RYR1: variants seen among roughly 807,000 people sequenced by gnomAD.
RYR1 encodes central core disease of muscle.
A neutral mutation model predicts 583.5 loss-of-function variants in RYR1; 342 were observed. The observed-to-expected ratio is 0.59, with a 90% CI of 0.54 to 0.64. The LOEUF is 0.64. Among genes scored for constraint, RYR1 ranks in the 30% least tolerant of loss-of-function variants. The pLI is 0.00. For synonymous variants in RYR1, 2,791 were observed against 2,822.5 expected (o/e 0.99, Z 0.35); for missense variants, 6,032 against 6,917.2 (o/e 0.87, Z 4.54).
chr19:38,511,651 C>G (rs1224648533), intron 61 of RYR1, 41 bp downstream of exon 61: 4 of 1,601,688 alleles, frequency 2.5e-6, no homozygotes. Context: ...CCTAATCTTT[C>G]TCTTCCCCAC....
chr19:38,497,235 C>T (rs1247379124), intron 42 of RYR1, among the ~76,000 whole-genome samples: 1 of 152,090 alleles, frequency 6.6e-6, no homozygotes, highest in African/African-American at 2.4e-5. Context: ...CTCTAACTTC[C>T]AGGCTGGGGG....
chr19:38,494,316 C>A (rs1211559372), intron 38 of RYR1, 36 bp from the exon 39 acceptor site: 1 of 1,610,754 alleles, frequency 6.2e-7, no homozygotes, highest in South Asian at 1.1e-5. Flanking sequence ...ACCTGCCCTG[C>A]ATGGTGCTCC....
intron 48 of RYR1, 40 bp from the exon 49 acceptor site, chr19:38,502,840 C>G (rs544169735): frequency 2.5e-6 from 4 of 1,590,926 alleles, no homozygotes; most frequent in Non-Finnish European, 3.4e-6. Flanking sequence ...GCAGAGCGGG[C>G]CTGGACGGGG....
In RYR1 at chr19:38,572,000, A is replaced by C; in HGVS notation, c.13747-19A>C. 6.2e-7 allele frequency: 1 copy of C among 1,613,648 alleles called. No individual in the cohort carries two copies. The highest frequency in any genetic ancestry group is 8.5e-7 in the Non-Finnish European group (1 of 1,180,002). Reference sequence around the variant, plus strand: ...CTGCATGTGGCAGACCCACAGATGAATCTCTGTCCCCATTTCAGGTCTCAG... The same window carrying C: ...CTGCATGTGGCAGACCCACAGATGACTCTCTGTCCCCATTTCAGGTCTCAG... On this transcript the variant is annotated intron_variant, in intron 94 of 105. Coordinates refer to ENST00000359596, the MANE Select transcript of RYR1 (RefSeq NM_000540.3).
At chr19:38,573,126 G>C in intron 95 of RYR1, 51 bp from the exon 96 acceptor site, 1 of 1,610,730 alleles carries the variant, frequency 6.2e-7, no homozygotes, top group East Asian at 2.2e-5. Flanking sequence ...CTGAGACTAT[G>C]GTCCAGCCAA....
intron 21 of RYR1, 88 bp downstream of exon 21, chr19:38,463,615 A>G: frequency 6.8e-7 from 1 of 1,465,938 alleles, no homozygotes; most frequent in Admixed American, 1.7e-5. Flanking sequence ...GGAGGGAGGG[A>G]CCACAGGGCA....
intron 7 of RYR1, among the ~76,000 whole-genome samples, chr19:38,445,665 A>G (rs922716381): frequency 6.6e-6 from 1 of 152,120 alleles, no homozygotes; most frequent in African/African-American, 2.4e-5. Flanking sequence ...TCAGATCCCC[A>G]ACCTCACTTT....
At position 38,448,382 on chromosome 19, in the gene RYR1, C is replaced by A. The variant is rs1966897688; in HGVS notation, c.828C>A (p.Gly276=). The A allele has an allele frequency of 6.8e-6, 11 of 1,610,876 alleles. No homozygotes were observed. Among genetic ancestry groups the A allele is most frequent in the Non-Finnish European group, 9.3e-6 (11 of 1,180,022 alleles). ...GGAGTGGGAGCCACCTGCGCTGGGG[C>A]CAGCCACTCCGAGTCCGGCATGTCA... The part of the protein sequence containing the change: ...ISWSGSHLRW[G]QPLRVRHVTT... The change falls in exon 10 of 106, where the codon GGC becomes GGA. Residue 276 remains glycine (G), a synonymous_variant. Coordinates refer to ENST00000359596, the MANE Select transcript of RYR1 (RefSeq NM_000540.3).
rs1048909436 is a variant in RYR1, at chr19:38,505,888, A to T, written c.8483A>T (p.Glu2828Val). Residue 2828 changes from glutamate to valine, a missense_variant, in exon 54 of 106, where the codon GAG (glutamate) becomes GTG (valine). Around this residue, in one of 11 missense-constraint regions of RYR1, gnomAD observed 1,493 missense variants for 1,715.5 expected, o/e 0.87. Coordinates refer to ENST00000359596, the MANE Select transcript of RYR1 (RefSeq NM_000540.3). ...GAATGGACGATAGAGAAGGCCAGGG[A>T]GGGTGAGGAGGAGAAGACGGAAAAG... ...AWEWTIEKAR[E>V]GEEEKTEKKK... 2 of 1,613,362 alleles carry T rather than the reference A, an allele frequency of 1.2e-6. No individual in the cohort carries two copies. The highest frequency in any genetic ancestry group is 2.7e-5 in the African/African-American group (2 of 74,768).
chr19:38,459,356 C>T lies in RYR1; in HGVS notation c.2360+18C>T. Reference sequence around the variant, plus strand: ...GGTGTCAAGTGAGAACTTGCCCCCACCCCACGGCCAGTCCTCAGACCTAGG... The same window carrying T: ...GGTGTCAAGTGAGAACTTGCCCCCATCCCACGGCCAGTCCTCAGACCTAGG... On this transcript the variant is annotated intron_variant, in intron 19 of 105. Transcript: ENST00000359596. 6.2e-7 allele frequency: 1 copy of T among 1,612,506 alleles called. No homozygotes were observed. Among genetic ancestry groups the T allele is most frequent in the Non-Finnish European group, 8.5e-7 (1 of 1,179,082 alleles).
chr19:38,586,297 T>C, intron 104 of RYR1, 106 bp downstream of exon 104: 2 of 1,178,710 alleles, frequency 1.7e-6, no homozygotes, highest in Non-Finnish European at 2.5e-6. Context: ...GTAGTGTCCA[T>C]GTGGGCAGAT....
intron 1 of RYR1, among the ~76,000 whole-genome samples, chr19:38,437,260 A>G (rs988640613): frequency 2.0e-5 from 3 of 151,982 alleles, no homozygotes; most frequent in African/African-American, 7.3e-5. Context: ...CATGTTGGCC[A>G]GGCTGGTCTC....
intron 97 of RYR1, 147 bp from the exon 98 acceptor site, chr19:38,577,771 G>T: frequency 9.7e-7 from 1 of 1,027,068 alleles, no homozygotes. Context: ...CCTCCAGCCT[G>T]GGTGACAGAG....
At chr19:38,459,957 C>T (rs1967636198) in intron 19 of RYR1, among the ~76,000 whole-genome samples, 1 of 152,124 alleles carries the variant, frequency 6.6e-6, no homozygotes, top group Non-Finnish European at 1.5e-5. Flanking sequence ...CCAAGCTCTC[C>T]GAATGTCCAT....
At chr19:38,515,849 G>C (rs1970943639) in intron 64 of RYR1, among the ~76,000 whole-genome samples, 1 of 152,178 alleles carries the variant, frequency 6.6e-6, no homozygotes, top group Admixed American at 6.5e-5. Context: ...GCTGAGGTGG[G>C]AGGATCACTT....
intron 71 of RYR1, among the ~76,000 whole-genome samples, chr19:38,526,185 C>T (rs188571757): frequency 6.6e-6 from 1 of 152,122 alleles, no homozygotes; most frequent in African/African-American, 2.4e-5. Flanking sequence ...TGTAGAACCT[C>T]TTAAGCTTGC....
chr19:38,523,138 C>T (rs1308763626), intron 68 of RYR1, 23 bp downstream of exon 68: 6 of 1,614,000 alleles, frequency 3.7e-6, no homozygotes, highest in Admixed American at 1.7e-5. Flanking sequence ...CCCAACCGCC[C>T]TCCCCACAAC....
chr19:38,468,842 A>T, intron 25 of RYR1, 124 bp from the exon 26 acceptor site: 1 of 1,000,272 alleles, frequency 1.0e-6, no homozygotes, highest in Non-Finnish European at 1.5e-6. Context: ...CCTCTTCCAT[A>T]CCACCTGCCC....
chr19:38,528,760 T>C, intron 75 of RYR1, 65 bp downstream of exon 75: 1 of 1,538,324 alleles, frequency 6.5e-7, no homozygotes, highest in Non-Finnish European at 9.0e-7. Context: ...GAGGCCACCC[T>C]TGGCACACCT....
Sources: gnomAD v4.1 joint callset for allele counts (sites outside exome capture counted in the v4.1 genomes callset) on GRCh38, gnomAD v4.1.1 for gene constraint, gnomAD v4.1.1 regional missense constraint, MANE v1.5 for transcripts, NCBI Gene and HGNC (gene_info 2026-07-23, HGNC 2026-07-21) for gene names.